BACH2: variants seen among roughly 807,000 people sequenced by gnomAD.
BACH2 encodes the protein transcription regulator protein BACH2.
A neutral mutation model predicts 61.8 loss-of-function variants in BACH2; 5 were observed. The ratio of observed to expected loss-of-function variants is 0.08; its 90% confidence interval spans 0.04 to 0.17. The LOEUF is 0.17. BACH2 is among the 10% of genes least tolerant of loss of function. BACH2 has a pLI of 1.00. For missense variants in BACH2, 824 were observed against 1,091.1 expected (o/e 0.76, Z 3.45); for synonymous variants, 446 against 440.1 (o/e 1.01, Z -0.17).
At chr6:90,173,100 A>G (rs1449115770) in intron 4 of BACH2, among the ~76,000 whole-genome samples, 1 of 151,950 alleles carries the variant, frequency 6.6e-6, no homozygotes, top group Non-Finnish European at 1.5e-5. Context: ...AGTAGAAGAA[A>G]AACCATGGAA....
chr6:90,172,228 C>A (rs1476087334), intron 4 of BACH2, among the ~76,000 whole-genome samples: 1 of 150,214 alleles, frequency 6.7e-6, no homozygotes, highest in Admixed American at 6.6e-5. Flanking sequence ...ATTGCTTGAA[C>A]CTGGGAAGCA....
intron 6 of BACH2, among the ~76,000 whole-genome samples, chr6:89,960,062 C>T (rs1163502900): frequency 1.3e-5 from 2 of 152,162 alleles, no homozygotes; most frequent in Admixed American, 1.3e-4. Context: ...CCCGAGGCAC[C>T]CGCCCCTCCA....
chr6:90,134,576 C>G (rs1257289410), intron 4 of BACH2, among the ~76,000 whole-genome samples: 1 of 152,152 alleles, frequency 6.6e-6, no homozygotes, highest in Non-Finnish European at 1.5e-5. Flanking sequence ...GCAAGTTTCA[C>G]TGGGATGGTA....
Position 90,296,477 on chromosome 6 carries a change from C to T in BACH2, c.-446+3G>A, listed in dbSNP as rs1239203614. ...GGCCCGGGGCCCGGGGCCCGGGACTCACCTCGCCGGAGAACTTTGCGTCCT... is the reference window on the plus strand; with the variant it reads ...GGCCCGGGGCCCGGGGCCCGGGACTTACCTCGCCGGAGAACTTTGCGTCCT... On this transcript the variant is annotated splice_donor_region_variant and intron_variant, in intron 1 of 8. Transcript: ENST00000257749. The T allele has an allele frequency of 6.6e-6, 1 of 151,086 alleles. No individual in the cohort carries two copies. Among genetic ancestry groups the T allele is most frequent in the Non-Finnish European group, 1.5e-5 (1 of 67,632 alleles). The allele number at this position is 151,086 out of a possible 1,614,324, so 9.4% of individuals were successfully genotyped here.
intron 4 of BACH2, among the ~76,000 whole-genome samples, chr6:90,161,910 A>G (rs1785204551): frequency 2.0e-5 from 3 of 152,200 alleles, no homozygotes; most frequent in Admixed American, 6.5e-5. Flanking sequence ...TACTAAAAGA[A>G]GCGGAACCTC....
intron 6 of BACH2, among the ~76,000 whole-genome samples, chr6:90,002,001 T>G (rs929760732): frequency 2.0e-5 from 3 of 152,248 alleles, no homozygotes; most frequent in Admixed American, 1.3e-4. Context: ...AATTGGTTTT[T>G]GTTTCTACTG....
intron 4 of BACH2, among the ~76,000 whole-genome samples, chr6:90,179,854 C>G: frequency 6.6e-6 from 1 of 152,070 alleles, no homozygotes; most frequent in Non-Finnish European, 1.5e-5. Flanking sequence ...TATCTAAGAA[C>G]AAATACAAAG....
Position 89,951,455 on chromosome 6 carries a change from C to G in BACH2, c.651G>C (p.Lys217Asn). The G allele has an allele frequency of 6.2e-7, 1 of 1,614,214 alleles. No individual in the cohort carries two copies. The highest frequency in any genetic ancestry group is 1.1e-5 in the South Asian group (1 of 91,090). Residue 217 changes from lysine (K) to asparagine (N), a missense_variant, in exon 7 of 9, where the codon AAG becomes AAC. Physicochemically the swap from Lys to Asn is moderately conservative, Grantham distance 94. Coordinates refer to ENST00000257749, the MANE Select transcript of BACH2 (RefSeq NM_021813.4). The surrounding 1 kb of genome is among the most constrained non-coding windows in gnomAD (Gnocchi z 6.4). ...LPEPDVPTDT[K>N]ESSEKDALTQ... ...TTAACGCGTCCTTTTCTGAGCTCTC[C>G]TTGGTGTCTGTGGGCACGTCAGGCT...
intron 6 of BACH2, among the ~76,000 whole-genome samples, chr6:89,965,899 C>A (rs1368640128): frequency 1.3e-5 from 2 of 152,202 alleles, no homozygotes; most frequent in Admixed American, 6.5e-5. Context: ...GGAAAGCAAT[C>A]TGACCTTGAT....
At chr6:90,254,286 C>T (rs189809194) in intron 2 of BACH2, among the ~76,000 whole-genome samples, 1 of 151,362 alleles carries the variant, frequency 6.6e-6, no homozygotes, top group African/African-American at 2.4e-5. Context: ...ATAATTTGTT[C>T]ATGAAAAAAT....
At chr6:90,140,090 G>A (rs1388236043) in intron 4 of BACH2, among the ~76,000 whole-genome samples, 1 of 152,152 alleles carries the variant, frequency 6.6e-6, no homozygotes, top group African/African-American at 2.4e-5. Flanking sequence ...TGATGCTGGT[G>A]CTCCAGCCAT....
chr6:90,219,785 TACACACAC>T (rs5878121), intron 3 of BACH2, among the ~76,000 whole-genome samples: 48,603 of 148,614 alleles, frequency 0.33, 8,727 homozygotes, highest in Non-Finnish European at 0.41. Context: ...TTAAAACACA[TACACACAC>T]ACACACACAC....
At chr6:89,991,810 G>A (rs946886650) in intron 6 of BACH2, among the ~76,000 whole-genome samples, 1 of 151,164 alleles carries the variant, frequency 6.6e-6, no homozygotes, top group African/African-American at 2.4e-5. Flanking sequence ...CCATCATTTT[G>A]TCTTTCATGA....
At chr6:90,054,352 T>C (rs6929059) in intron 5 of BACH2, among the ~76,000 whole-genome samples, 67,018 of 152,092 alleles carry the variant, frequency 0.44, 17,455 homozygotes, top group East Asian at 0.82. Context: ...CCTACGCCCA[T>C]GGAGTCTCAC....
chr6:89,953,252 G>C (rs1180903309), intron 6 of BACH2: 1 of 152,226 alleles, frequency 6.6e-6, no homozygotes, highest in Non-Finnish European at 1.5e-5. Context: ...CTCTTAGAGA[G>C]AATGAATGAC....
chr6:90,082,207 A>G (rs1781754517), intron 5 of BACH2, among the ~76,000 whole-genome samples: 1 of 152,180 alleles, frequency 6.6e-6, no homozygotes, highest in Admixed American at 6.5e-5. Context: ...GTGATTACTA[A>G]TTTCTAAATA....
At chr6:90,157,877 A>C (rs1785048372) in intron 4 of BACH2, among the ~76,000 whole-genome samples, 1 of 152,208 alleles carries the variant, frequency 6.6e-6, no homozygotes, top group African/African-American at 2.4e-5. Flanking sequence ...CACAGAGACC[A>C]GGAACTGCCT....
At chr6:90,219,785 TACACACACACAC>T (rs5878121) in intron 3 of BACH2, among the ~76,000 whole-genome samples, 2 of 148,610 alleles carry the variant, frequency 1.3e-5, no homozygotes, top group Non-Finnish European at 3.0e-5. Context: ...TTAAAACACA[TACACACACACAC>T]ACACACACAC....
chr6:90,125,719 G>C (rs1036502600), intron 4 of BACH2, among the ~76,000 whole-genome samples: 2 of 152,160 alleles, frequency 1.3e-5, no homozygotes, highest in African/African-American at 4.8e-5. Flanking sequence ...CACACCCCCA[G>C]GGTGACCTCA....
Sources: gnomAD v4.1 joint callset for allele counts (sites outside exome capture counted in the v4.1 genomes callset) on GRCh38, gnomAD v4.1.1 for gene constraint, Gnocchi (gnomAD v3.1) non-coding constraint, MANE v1.5 for transcripts, NCBI Gene and HGNC (gene_info 2026-07-23, HGNC 2026-07-21) for gene names.